RP1: variants seen among roughly 807,000 people sequenced by gnomAD.
RP1 encodes the protein oxygen-regulated protein 1.
Under a neutral mutation model 14.8 loss-of-function variants are expected in RP1, and 16 were observed. That is an observed-to-expected ratio of 1.08 (90% CI 0.73 to 1.65). The LOEUF is 1.65. RP1 is among the 40% of genes most tolerant of loss of function. The probability of loss-of-function intolerance (pLI) is 0.00; values close to 1 mark genes in which losing one functional copy is unlikely to be tolerated. For missense variants in RP1, 2,631 were observed against 2,535.0 expected, an observed-to-expected ratio of 1.04 and a Z score of -0.81; for synonymous variants, 876 against 883.6, an observed-to-expected ratio of 0.99 and a Z score of 0.15.
At chr8:54,804,778 A>G (rs1810806153) in intron 24 of RP1, among the ~76,000 whole-genome samples, 1 of 152,252 alleles carries the variant, frequency 6.6e-6, no homozygotes, top group Non-Finnish European at 1.5e-5. Context: ...AAACCCAGTC[A>G]TATAAGAGAT....
intron 19 of RP1, among the ~76,000 whole-genome samples, chr8:54,742,139 C>G (rs985692031): frequency 1.2e-4 from 18 of 151,956 alleles, no homozygotes; most frequent in African/African-American, 3.4e-4. Context: ...CACTTAAAAG[C>G]CTTGAGATTT....
chr8:54,758,846 A>G lies in RP1; in HGVS notation c.3094-76A>G, dbSNP rs186215883. 12 of 1,431,702 alleles carry G rather than the reference A, an allele frequency of 8.4e-6. No individual in the cohort carries two copies. In the Admixed American group the frequency reaches 2.5e-4, roughly 29 times the overall value. 88.7% of individuals were successfully genotyped at this position (1,431,702 alleles called of 1,614,324 possible). On this transcript the variant is annotated intron_variant, in intron 21 of 22. Coordinates refer to the RP1 transcript ENST00000636932. ...TGCTGCTTCTGGCAGTCGTTTAACT[A>G]TTATTATTGCCTGCATTTGTCATGC...
chr8:54,608,836 T>G (rs1329925466), intron 1 of RP1, among the ~76,000 whole-genome samples: 1 of 152,190 alleles, frequency 6.6e-6, no homozygotes, highest in Non-Finnish European at 1.5e-5. Context: ...GTAAAGTGTA[T>G]TTGGGCTGAG....
At chr8:54,644,136 G>A (rs1806501081) in intron 3 of RP1, among the ~76,000 whole-genome samples, 1 of 152,066 alleles carries the variant, frequency 6.6e-6, no homozygotes, top group Non-Finnish European at 1.5e-5. Flanking sequence ...CAAATTATTT[G>A]TTTCTAAAAT....
At chr8:54,688,409 T>C (rs1005859955) in intron 12 of RP1, among the ~76,000 whole-genome samples, 1 of 152,204 alleles carries the variant, frequency 6.6e-6, no homozygotes, top group Non-Finnish European at 1.5e-5. Context: ...CTGAATAGTA[T>C]TGCCTAGGTT....
intron 1 of RP1, among the ~76,000 whole-genome samples, chr8:54,605,212 G>A (rs573960483): frequency 6.6e-6 from 1 of 152,172 alleles, no homozygotes; most frequent in Non-Finnish European, 1.5e-5. Context: ...TGCTTTGAAT[G>A]TGTCCCAGAG....
At chr8:54,865,264 A>G (rs999326363) in intron 27 of RP1, among the ~76,000 whole-genome samples, 2 of 152,066 alleles carry the variant, frequency 1.3e-5, no homozygotes, top group Non-Finnish European at 2.9e-5. Context: ...AAGTTAAGTC[A>G]TATCTTCTGT....
chr8:54,563,200 C>T (rs1804325174), intron 1 of RP1, among the ~76,000 whole-genome samples: 1 of 152,224 alleles, frequency 6.6e-6, no homozygotes, highest in Admixed American at 6.5e-5. Flanking sequence ...TCCACTCTGG[C>T]TGCTGGTGGC....
intron 1 of RP1, among the ~76,000 whole-genome samples, chr8:54,600,171 C>G (rs185026765): frequency 4.0e-4 from 61 of 152,202 alleles, no homozygotes; most frequent in Non-Finnish European, 7.9e-4. Flanking sequence ...ATGCTGTTCT[C>G]GTGACAGTAA....
At chr8:54,576,165 C>G (rs565991113) in intron 1 of RP1, among the ~76,000 whole-genome samples, 111 of 152,174 alleles carry the variant, frequency 7.3e-4, no homozygotes, top group African/African-American at 2.5e-3. Flanking sequence ...CTCAGCCTCC[C>G]GAGTAGCTGG....
chr8:54,615,719 A>T (rs1240367413), upstream of RP1, among the ~76,000 whole-genome samples: 2 of 152,230 alleles, frequency 1.3e-5, no homozygotes, highest in Admixed American at 6.5e-5. Context: ...TTATTTTTAA[A>T]TGATTACCAG....
At chr8:54,615,401 C>T (rs963225143), upstream of RP1, among the ~76,000 whole-genome samples, 1 of 152,094 alleles carries the variant, frequency 6.6e-6, no homozygotes, top group Non-Finnish European at 1.5e-5. Context: ...GTAGGAAACC[C>T]GATTAGGTGA....
chr8:54,618,634 G>A (rs1156670534), intron 1 of RP1, among the ~76,000 whole-genome samples: 2 of 152,076 alleles, frequency 1.3e-5, no homozygotes, highest in Admixed American at 1.3e-4. Flanking sequence ...TGGAGACAGA[G>A]TTCTAAAGTC....
At chr8:54,748,160 T>A (rs1386382374) in intron 19 of RP1, among the ~76,000 whole-genome samples, 1 of 152,210 alleles carries the variant, frequency 6.6e-6, no homozygotes, top group Admixed American at 6.5e-5. Context: ...CAAAATTAGG[T>A]AAGAAATGCC....
At chr8:54,858,651 T>G (rs1812263017) in intron 27 of RP1, among the ~76,000 whole-genome samples, 1 of 151,696 alleles carries the variant, frequency 6.6e-6, no homozygotes, top group Non-Finnish European at 1.5e-5. Flanking sequence ...TGCATTTCTG[T>G]AAGGTGGTGT....
intron 28 of RP1, among the ~76,000 whole-genome samples, chr8:54,866,608 A>G (rs183662766): frequency 6.6e-6 from 1 of 152,328 alleles, no homozygotes; most frequent in Admixed American, 6.5e-5. Context: ...TCCCTCCATT[A>G]TTAACCAATC....
At chr8:54,852,115 G>GT (rs145224064) in intron 25 of RP1, among the ~76,000 whole-genome samples, 15 of 150,404 alleles carry the variant, frequency 1.0e-4, no homozygotes, top group East Asian at 7.8e-4. Flanking sequence ...TAGGATCTTT[G>GT]TTTTTTTTTC....
intron 25 of RP1, among the ~76,000 whole-genome samples, chr8:54,849,016 C>T (rs747829103): frequency 6.6e-6 from 1 of 152,052 alleles, no homozygotes; most frequent in Non-Finnish European, 1.5e-5. Flanking sequence ...CCCAAAGTCC[C>T]GGGATTACGG....
At chr8:54,581,372 A>G (rs961379654) in intron 1 of RP1, among the ~76,000 whole-genome samples, 3 of 152,174 alleles carry the variant, frequency 2.0e-5, no homozygotes, top group Non-Finnish European at 4.4e-5. Context: ...TCCATGGTGT[A>G]TATGTGCCAC....
Sources: gnomAD v4.1 joint callset for allele counts (sites outside exome capture counted in the v4.1 genomes callset) on GRCh38, gnomAD v4.1.1 for gene constraint, MANE v1.5 for transcripts, NCBI Gene and HGNC (gene_info 2026-07-23, HGNC 2026-07-21) for gene names.